FCF1: variants seen among roughly 807,000 people sequenced by gnomAD.
FCF1 encodes the protein rRNA-processing protein FCF1 homolog.
In FCF1, 17 loss-of-function variants were observed where a neutral mutation model predicts 32.5. That is an observed-to-expected ratio of 0.52 (90% CI 0.36 to 0.78). The LOEUF is 0.78. FCF1 is among the 30% of genes least tolerant of loss of function. The pLI is 0.00. For synonymous variants in FCF1, 84 were observed against 78.4 expected, an observed-to-expected ratio of 1.07 and a Z score of -0.38; for missense variants, 201 against 241.1, an observed-to-expected ratio of 0.83 and a Z score of 1.10.
At chr14:74,714,481 A>G (rs1461550293) in intron 2 of FCF1, among the ~76,000 whole-genome samples, 1 of 152,218 alleles carries the variant, frequency 6.6e-6, no homozygotes, top group African/African-American at 2.4e-5. Flanking sequence ...TAAGAAGCAT[A>G]TGGGGTAATA....
chr14:74,735,167 T>G lies in FCF1; in HGVS notation c.*237T>G. The G allele has an allele frequency of 4.7e-6, 2 of 425,030 alleles. No homozygotes were observed. Among genetic ancestry groups the G allele is most frequent in the Admixed American group, 4.0e-5 (1 of 25,038 alleles). 26.3% of individuals were successfully genotyped at this position (425,030 alleles called of 1,614,324 possible). On this transcript the variant is annotated 3_prime_UTR_variant, in exon 8 of 8. Coordinates refer to ENST00000341162, the MANE Select transcript of FCF1 (RefSeq NM_015962.5). Reference sequence around the variant, plus strand: ...GGCCGCGGGGGTTGGGGGGAATCTGTGCAGGGGGAAGCATATTACAGAAGC... The same window carrying G: ...GGCCGCGGGGGTTGGGGGGAATCTGGGCAGGGGGAAGCATATTACAGAAGC...
In FCF1 at chr14:74,719,955, A is replaced by G. The variant is rs148857205; in HGVS notation, c.293-3317A>G. Among the ~76,000 whole-genome samples, 1,267 of 152,224 alleles carry G rather than the reference A, an allele frequency of 8.3e-3. 10 individuals carry two copies. Among genetic ancestry groups the G allele is most frequent in the South Asian group, 0.03 (143 of 4,826 alleles). ...GGAGTTCAAGACCAGCATGGCCAAC[A>G]TGGCAAAACTCTGTCTCTACTAAAA... On this transcript the variant is annotated intron_variant, in intron 4 of 7. Coordinates refer to ENST00000341162, the MANE Select transcript of FCF1 (RefSeq NM_015962.5).
intron 7 of FCF1, among the ~76,000 whole-genome samples, chr14:74,734,519 T>TA (rs71303897): frequency 0.22 from 32,503 of 144,542 alleles, 3,649 homozygotes; most frequent in South Asian, 0.32. Context: ...AAAGCTTATT[T>TA]AAAAAAAAAA....
chr14:74,723,337 G>C lies in FCF1; in HGVS notation c.358G>C (p.Ala120Pro), dbSNP rs746183205. Residue 120 changes from alanine to proline, a missense_variant, in exon 5 of 8, where the codon GCT becomes CCT. Transcript: ENST00000341162. ...GAAATTGGGGCAGAAGTATCGAGTG[G>C]CTCTAAGGTAGGAAGGAGGTAAACT... ...IEKLGQKYRVALRIAKDPRFE... is the reference protein window; with the variant it reads ...IEKLGQKYRVPLRIAKDPRFE... 3 of 1,612,068 alleles carry C rather than the reference G, an allele frequency of 1.9e-6. No homozygotes were observed. Among genetic ancestry groups the C allele is most frequent in the Non-Finnish European group, 2.5e-6 (3 of 1,178,438 alleles).
chr14:74,733,313 A>G (rs1004340120), intron 6 of FCF1, among the ~76,000 whole-genome samples: 1 of 151,268 alleles, frequency 6.6e-6, no homozygotes, highest in African/African-American at 2.4e-5. Context: ...AAGCACCACA[A>G]GGACTTCTGC....
intron 4 of FCF1, among the ~76,000 whole-genome samples, chr14:74,719,197 A>C (rs867889508): frequency 6.7e-6 from 1 of 150,144 alleles, no homozygotes; most frequent in East Asian, 1.9e-4. Flanking sequence ...ACAGATGCTC[A>C]GGTGGGAGGA....
At position 74,715,933 on chromosome 14, in the gene FCF1, G is replaced by C; in HGVS notation, c.144-18G>C. ...TCAATGTAAATTTTTCTTTGTTCTT[G>C]TTTTCTTTTTCCTTCAGTCCCCAAC... On this transcript the variant is annotated intron_variant, in intron 3 of 7. Coordinates refer to ENST00000341162, the MANE Select transcript of FCF1 (RefSeq NM_015962.5). 6.2e-7 allele frequency: 1 copy of C among 1,611,506 alleles called. No homozygotes were observed. Among genetic ancestry groups the C allele is most frequent in the Non-Finnish European group, 8.5e-7 (1 of 1,178,960 alleles).
At chr14:74,732,472 T>C (rs1323352807) in intron 5 of FCF1, among the ~76,000 whole-genome samples, 1 of 152,206 alleles carries the variant, frequency 6.6e-6, no homozygotes, top group African/African-American at 2.4e-5. Flanking sequence ...TGAAGTAATT[T>C]AATCTCTCTA....
intron 5 of FCF1, among the ~76,000 whole-genome samples, chr14:74,729,303 A>T (rs1347400405): frequency 6.6e-6 from 1 of 151,932 alleles, no homozygotes; most frequent in African/African-American, 2.4e-5. Context: ...CTATTCAGAG[A>T]TTCAACTTCT....
At chr14:74,713,269 C>A in intron 1 of FCF1, 69 bp downstream of exon 1, 2 of 1,614,098 alleles carry the variant, frequency 1.2e-6, no homozygotes, top group Non-Finnish European at 1.7e-6. Flanking sequence ...GGTAGTCAGA[C>A]CGTGGCCAAA....
chr14:74,732,755 A>T lies in FCF1; in HGVS notation c.390A>T (p.Glu130Asp), dbSNP rs547784123. Reference sequence around the variant, plus strand: ...GGATTGCCAAGGATCCAAGATTTGAACGATTACCATGTACACACAAAGGAA... The same window carrying T: ...GGATTGCCAAGGATCCAAGATTTGATCGATTACCATGTACACACAAAGGAA... ...ALRIAKDPRFERLPCTHKGTY... is the reference protein window; with the variant it reads ...ALRIAKDPRFDRLPCTHKGTY... Residue 130 changes from glutamate to aspartate, a missense_variant, in exon 6 of 8, where the codon GAA becomes GAT. By Grantham distance (45) the Glu-to-Asp change is conservative. Coordinates refer to ENST00000341162, the MANE Select transcript of FCF1 (RefSeq NM_015962.5). The T allele has an allele frequency of 1.1e-4, 184 of 1,612,870 alleles. 3 individuals carry two copies. In the South Asian group the frequency reaches 1.9e-3, roughly 17 times the overall value.
intron 5 of FCF1, among the ~76,000 whole-genome samples, chr14:74,727,451 GTTGT>G (rs1292740310): frequency 2.6e-4 from 39 of 152,182 alleles, no homozygotes; most frequent in African/African-American, 8.4e-4. Context: ...TTTTGATGGG[GTTGT>G]TTGTTTTTTT....
At chr14:74,730,596 C>A (rs536413500) in intron 5 of FCF1, among the ~76,000 whole-genome samples, 27 of 152,076 alleles carry the variant, frequency 1.8e-4, no homozygotes, top group Non-Finnish European at 3.8e-4. Flanking sequence ...CACCTATAAT[C>A]CCAGCTACTA....
chr14:74,723,012 A>G (rs1408809564), intron 4 of FCF1, among the ~76,000 whole-genome samples: 3 of 152,152 alleles, frequency 2.0e-5, no homozygotes, highest in African/African-American at 7.2e-5. Flanking sequence ...ACTTACATTA[A>G]TATAAAAATA....
intron 5 of FCF1, among the ~76,000 whole-genome samples, chr14:74,731,529 C>A (rs2090637447): frequency 1.3e-5 from 2 of 152,162 alleles, no homozygotes; most frequent in South Asian, 4.1e-4. Context: ...CTCCTCATTA[C>A]CTGTGTCATC....
chr14:74,722,214 A>T (rs923905711), intron 4 of FCF1, among the ~76,000 whole-genome samples: 1 of 151,422 alleles, frequency 6.6e-6, no homozygotes, highest in Non-Finnish European at 1.5e-5. Context: ...ATGCCCAGCT[A>T]TTTTTTTTAT....
chr14:74,725,546 C>A (rs1266633680), intron 5 of FCF1, among the ~76,000 whole-genome samples: 1 of 147,418 alleles, frequency 6.8e-6, no homozygotes, highest in African/African-American at 2.5e-5. Context: ...CCCAACACTT[C>A]GTGAGGCCAA....
At chr14:74,716,228 A>G (rs1566714428) in intron 4 of FCF1, 129 bp downstream of exon 4, 1 of 850,994 alleles carries the variant, frequency 1.2e-6, no homozygotes, top group Admixed American at 2.3e-5. Flanking sequence ...AGTGGTCACC[A>G]TAGCAGTGAC....
In FCF1 at chr14:74,721,440, C is replaced by T. The variant is rs569196342; in HGVS notation, c.293-1832C>T. ...GTATGGCCGGGCACGGTGGCTCACG[C>T]CTATAATCCCATCATTTTGGGAGTT... On this transcript the variant is annotated intron_variant, in intron 4 of 7. Transcript: ENST00000341162. 3.3e-5 allele frequency among the ~76,000 whole-genome samples: 5 copies of T among 152,294 alleles called. No homozygotes were observed. In the South Asian group the frequency reaches 6.2e-4, roughly 19 times the overall value.
Sources: gnomAD v4.1 joint callset for allele counts (sites outside exome capture counted in the v4.1 genomes callset) on GRCh38, gnomAD v4.1.1 for gene constraint, MANE v1.5 for transcripts, NCBI Gene and HGNC (gene_info 2026-07-23, HGNC 2026-07-21) for gene names.